The following ITSN2 variants were observed in gnomAD, a reference collection of about 807,000 sequenced individuals.
ITSN2 encodes the protein intersectin 2.
Under a neutral mutation model 243.7 loss-of-function variants are expected in ITSN2, and 156 were observed. That is an observed-to-expected ratio of 0.64 (90% CI 0.56 to 0.73). ITSN2 has a LOEUF of 0.73. Ranked by LOEUF, ITSN2 falls within the 30% of genes least tolerant of loss-of-function variation. ITSN2 has a pLI of 0.00. For missense variants in ITSN2, 1,801 were observed against 1,996.1 expected, an observed-to-expected ratio of 0.90 and a Z score of 1.86; for synonymous variants, 703 against 699.9, an observed-to-expected ratio of 1.00 and a Z score of -0.07.
At chr2:24,220,069 G>T (rs1269023800) in intron 30 of ITSN2, among the ~76,000 whole-genome samples, 1 of 152,136 alleles carries the variant, frequency 6.6e-6, no homozygotes, top group Non-Finnish European at 1.5e-5. Flanking sequence ...TCCATGTCTG[G>T]ATATCCCAGG....
chr2:24,347,619 T>C (rs1222975601), intron 1 of ITSN2, among the ~76,000 whole-genome samples: 1 of 151,972 alleles, frequency 6.6e-6, no homozygotes, highest in African/African-American at 2.4e-5. Context: ...CCAGAAGGCG[T>C]AGGTTGCGGT....
intron 21 of ITSN2, 78 bp from the exon 22 acceptor site, chr2:24,261,328 A>G (rs1310208658): frequency 9.2e-7 from 1 of 1,086,804 alleles, no homozygotes; most frequent in East Asian, 2.5e-5. Flanking sequence ...ATCAACTTAC[A>G]TATTATATAC....
Position 24,209,938 on chromosome 2 carries a change from G to T in ITSN2, c.4353C>A (p.His1451Gln). The change falls in exon 35 of 40, where the codon CAC becomes CAA. Residue 1451 changes from histidine to glutamine, a missense_variant. By Grantham distance (24) the His-to-Gln change is conservative. This residue lies in a region of ITSN2 where 928 missense variants were observed against 1,065.4 expected (regional missense o/e 0.87). Coordinates refer to ENST00000355123, the MANE Select transcript of ITSN2 (RefSeq NM_006277.3). ...LYKTKSNKEL[H>Q]GFLFNDFLLL... Reference sequence around the variant, plus strand: ...GCAGGAAGTCATTGAAGAGGAATCCGTGCAGTTCCTTGTTGCTCTTGGTCT... The same window carrying T: ...GCAGGAAGTCATTGAAGAGGAATCCTTGCAGTTCCTTGTTGCTCTTGGTCT... 6.2e-7 allele frequency: 1 copy of T among 1,614,108 alleles called. No individual in the cohort carries two copies. Among genetic ancestry groups the T allele is most frequent in the Non-Finnish European group, 8.5e-7 (1 of 1,179,924 alleles).
At chr2:24,336,716 C>T (rs1452501077) in intron 1 of ITSN2, among the ~76,000 whole-genome samples, 5 of 152,188 alleles carry the variant, frequency 3.3e-5, no homozygotes, top group African/African-American at 1.2e-4. Flanking sequence ...TGTCCATACA[C>T]TTGTTTACAC....
intron 29 of ITSN2, among the ~76,000 whole-genome samples, chr2:24,223,859 AAAGGAAAGAAAGAAAAAAAAGAAAG>A (rs869263850): frequency 6.9e-4 from 1 of 1,444 alleles, no homozygotes; most frequent in Non-Finnish European, 2.0e-3. Context: ...AGAAAGAAAG[AAAGGAAAGAAAGAAAAAAAAGAAAG>A]AAGAAAAATA....
intron 32 of ITSN2, among the ~76,000 whole-genome samples, chr2:24,214,876 T>C (rs965412280): frequency 1.3e-5 from 2 of 152,206 alleles, no homozygotes; most frequent in Non-Finnish European, 2.9e-5. Flanking sequence ...GGCTGTTTAA[T>C]ATATCCCAAT....
intron 1 of ITSN2, among the ~76,000 whole-genome samples, chr2:24,337,666 T>TTTC (rs1686608427): frequency 6.8e-6 from 1 of 147,294 alleles, no homozygotes; most frequent in Non-Finnish European, 1.5e-5. Context: ...TTTTTTTTTT[T>TTTC]TTCTAGAGAC....
chr2:24,248,526 A>G, intron 27 of ITSN2, 103 bp downstream of exon 27: 1 of 861,344 alleles, frequency 1.2e-6, no homozygotes, highest in Non-Finnish European at 1.7e-6. Flanking sequence ...CTCTAAGTGG[A>G]ATGATTATGG....
chr2:24,247,259 T>G (rs551122843), intron 27 of ITSN2, among the ~76,000 whole-genome samples: 1 of 152,310 alleles, frequency 6.6e-6, no homozygotes, highest in East Asian at 1.9e-4. Context: ...AAGGCTTTGC[T>G]GACTGGCAAT....
intron 13 of ITSN2, among the ~76,000 whole-genome samples, chr2:24,297,169 T>G (rs1460734645): frequency 1.3e-5 from 2 of 152,210 alleles, no homozygotes; most frequent in Non-Finnish European, 2.9e-5. Context: ...TATTTCTGAC[T>G]AAAGATATTG....
chr2:24,235,096 A>G (rs540412737), intron 29 of ITSN2, among the ~76,000 whole-genome samples: 36 of 152,390 alleles, frequency 2.4e-4, no homozygotes, highest in Middle Eastern at 3.4e-3. Context: ...AGGAATCACA[A>G]TATCTTTCAG....
chr2:24,311,197 CA>C (rs1209119377), intron 5 of ITSN2, among the ~76,000 whole-genome samples: 1 of 152,154 alleles, frequency 6.6e-6, no homozygotes, highest in Non-Finnish European at 1.5e-5. Context: ...GAAAGTGTGT[CA>C]CATATTTTAC....
At chr2:24,330,452 G>A (rs1296626070) in intron 1 of ITSN2, 1 of 646,056 alleles carries the variant, frequency 1.5e-6, no homozygotes, top group Non-Finnish European at 2.9e-6. Flanking sequence ...AAGCCAAGGT[G>A]AAGAACGAAC....
Position 24,310,276 on chromosome 2 carries a change from A to C in ITSN2, c.653+8T>G. On this transcript the variant is annotated splice_region_variant and intron_variant, in intron 7 of 39. Transcript: ENST00000355123. ...GCATAAAAAGTTGTCAGAGTTAGCTATTCATACCTACTAGATCCTAAATCA... is the reference window on the plus strand; with the variant it reads ...GCATAAAAAGTTGTCAGAGTTAGCTCTTCATACCTACTAGATCCTAAATCA... 1 of 1,576,140 alleles carries C rather than the reference A, an allele frequency of 6.3e-7. No homozygotes were observed. The highest frequency in any genetic ancestry group is 8.7e-7 in the Non-Finnish European group (1 of 1,150,780).
intron 1 of ITSN2, among the ~76,000 whole-genome samples, chr2:24,357,159 C>A (rs2702138): frequency 0.98 from 148,934 of 152,304 alleles, 72,816 homozygotes; most frequent in East Asian, 0.99. Flanking sequence ...TCATTCTACT[C>A]TAAAGACACA....
intron 15 of ITSN2, among the ~76,000 whole-genome samples, chr2:24,292,039 T>C (rs1380171810): frequency 6.6e-6 from 1 of 152,094 alleles, no homozygotes; most frequent in Non-Finnish European, 1.5e-5. Context: ...TACCAAAGGG[T>C]TATTGTAAAG....
chr2:24,310,643 A>G lies in ITSN2; in HGVS notation c.402T>C (p.Ala134=), dbSNP rs143879838. The G allele has an allele frequency of 6.0e-4, 967 of 1,614,068 alleles. 2 individuals carry two copies. Among genetic ancestry groups the G allele is most frequent in the Non-Finnish European group, 7.5e-4 (886 of 1,180,032 alleles). The stretch of plus-strand genomic sequence containing the variant: ...CAGAAGACAATGATGTTATAGGTGC[A>G]GCTGGAGGCAATGGCTGAGGAATGG... The part of the protein sequence containing the change: ...NLSIPQPLPP[A]APITSLSSAT... Residue 134 remains alanine, a synonymous_variant, in exon 6 of 40, where the codon GCT becomes GCC. Coordinates refer to ENST00000355123, the MANE Select transcript of ITSN2 (RefSeq NM_006277.3).
intron 15 of ITSN2, 55 bp downstream of exon 15, chr2:24,293,633 T>G (rs1046047508): frequency 4.5e-6 from 3 of 671,634 alleles, no homozygotes; most frequent in Non-Finnish European, 7.8e-6. Flanking sequence ...ACAATGTGAC[T>G]GATACAGTCA....
At chr2:24,340,620 C>A (rs1220605094) in intron 1 of ITSN2, among the ~76,000 whole-genome samples, 1 of 152,098 alleles carries the variant, frequency 6.6e-6, no homozygotes, top group African/African-American at 2.4e-5. Flanking sequence ...ACTTCTAATA[C>A]CATAGATTCG....
Sources: allele counts gnomAD v4.1 joint callset (sites outside exome capture counted in the v4.1 genomes callset), GRCh38; gene constraint gnomAD v4.1.1; regional missense constraint gnomAD v4.1.1; transcripts MANE v1.5; gene names NCBI Gene and HGNC (gene_info 2026-07-23, HGNC 2026-07-21).